The following DMRT1 variants were observed in gnomAD, a reference collection of about 807,000 sequenced individuals.
The protein encoded by DMRT1 is doublesex and mab-3 related transcription factor 1.
DMRT1 carries 7 observed loss-of-function variants against 32.3 expected under a neutral mutation model. That is an observed-to-expected ratio of 0.22 (90% CI 0.12 to 0.41). DMRT1 has a LOEUF of 0.41. Ranked by LOEUF, DMRT1 falls within the 10% of genes least tolerant of loss-of-function variation. DMRT1 has a pLI of 1.00. For synonymous variants in DMRT1, 278 were observed against 206.1 expected, an observed-to-expected ratio of 1.35 and a Z score of -2.99; for missense variants, 625 against 500.5, an observed-to-expected ratio of 1.25 and a Z score of -2.37.
At position 878,797 on chromosome 9, in the gene DMRT1, C is replaced by T. The variant is rs141667959; in HGVS notation, c.539-15115C>T. On this transcript the variant is annotated intron_variant, in intron 2 of 4. Transcript: ENST00000382276. The stretch of plus-strand genomic sequence containing the variant: ...GCACTCAACACGTGGCAGAGCCTTT[C>T]TAAGTACATGTCTTCTCTCATATAA... 2.2e-3 allele frequency among the ~76,000 whole-genome samples: 338 copies of T among 152,298 alleles called. 1 individual carries two copies. Among genetic ancestry groups the T allele is most frequent in the African/African-American group, 7.6e-3 (315 of 41,558 alleles).
chr9:911,685 A>T (rs1246940773), intron 3 of DMRT1, among the ~76,000 whole-genome samples: 1 of 151,704 alleles, frequency 6.6e-6, no homozygotes, highest in East Asian at 1.9e-4. Flanking sequence ...AGAGACGGAG[A>T]TTCACCATGT....
At chr9:915,955 G>T (rs1350421447) in intron 3 of DMRT1, among the ~76,000 whole-genome samples, 6 of 152,018 alleles carry the variant, frequency 3.9e-5, no homozygotes, top group Admixed American at 3.9e-4. Flanking sequence ...GGATGATCTC[G>T]ATTTCCTGAC....
intron 2 of DMRT1, among the ~76,000 whole-genome samples, chr9:875,005 T>A (rs1373655764): frequency 1.3e-5 from 2 of 151,464 alleles, no homozygotes; most frequent in Non-Finnish European, 2.9e-5. Context: ...AGAGACGGGG[T>A]TTCACTATGT....
At chr9:849,230 A>C (rs1839037568) in intron 2 of DMRT1, among the ~76,000 whole-genome samples, 1 of 152,148 alleles carries the variant, frequency 6.6e-6, no homozygotes, top group Non-Finnish European at 1.5e-5. Flanking sequence ...TGGATTTCCC[A>C]TTCTACTTAA....
At chr9:949,961 G>A (rs1438238361) in intron 4 of DMRT1, among the ~76,000 whole-genome samples, 1 of 152,170 alleles carries the variant, frequency 6.6e-6, no homozygotes, top group African/African-American at 2.4e-5. Flanking sequence ...CTGTCTGTCA[G>A]TGGACATGTA....
chr9:950,213 G>T (rs1819383787), intron 4 of DMRT1, among the ~76,000 whole-genome samples: 1 of 152,070 alleles, frequency 6.6e-6, no homozygotes. Context: ...CAACTCAGTT[G>T]ATGCCTTAGA....
intron 2 of DMRT1, among the ~76,000 whole-genome samples, chr9:872,754 T>G (rs1816328581): frequency 6.6e-6 from 1 of 152,260 alleles, no homozygotes; most frequent in Non-Finnish European, 1.5e-5. Flanking sequence ...TTCAAATTTT[T>G]GTGTAAATAT....
At chr9:887,240 A>G (rs1204585255) in intron 2 of DMRT1, among the ~76,000 whole-genome samples, 1 of 152,206 alleles carries the variant, frequency 6.6e-6, no homozygotes, top group Non-Finnish European at 1.5e-5. Flanking sequence ...GAGGGAATTC[A>G]TAGAAAAGGA....
At chr9:952,691 C>CT in intron 4 of DMRT1, among the ~76,000 whole-genome samples, 1 of 152,266 alleles carries the variant, frequency 6.6e-6, no homozygotes, top group East Asian at 1.9e-4. Flanking sequence ...GACTTCCACT[C>CT]TTTTTTTCAA....
In DMRT1 at chr9:882,760, C is replaced by CTTTTTT. The variant is rs1010078425; in HGVS notation, c.539-11138_539-11133dup. 1.7e-4 allele frequency among the ~76,000 whole-genome samples: 20 copies of CTTTTTT among 118,348 alleles called. 1 individual carries two copies. The highest frequency in any genetic ancestry group is 1.8e-4 in the Non-Finnish European group (11 of 59,544). The allele number at this position is 118,348 out of a possible 152,430, so 77.6% of individuals were successfully genotyped here. On this transcript the variant is annotated intron_variant, in intron 2 of 4. Transcript: ENST00000382276. ...AGTGGCGCCCCCGTCTCCCCTGAAT[C>CTTTTTT]TTTTTTTTTTTTTTTTTTTGTCTGT...
At chr9:848,021 A>G (rs1319300757) in intron 2 of DMRT1, among the ~76,000 whole-genome samples, 1 of 152,198 alleles carries the variant, frequency 6.6e-6, no homozygotes, top group Non-Finnish European at 1.5e-5. Flanking sequence ...CATCCACCAA[A>G]TAAAGACCTG....
chr9:881,171 C>G (rs1816722258), intron 2 of DMRT1, among the ~76,000 whole-genome samples: 1 of 152,100 alleles, frequency 6.6e-6, no homozygotes. Flanking sequence ...GAGGCAGGTT[C>G]TAAAACATTC....
chr9:958,636 G>C (rs1819672532), intron 4 of DMRT1, among the ~76,000 whole-genome samples: 1 of 152,192 alleles, frequency 6.6e-6, no homozygotes, highest in African/African-American at 2.4e-5. Context: ...TAACTCTCCG[G>C]GGGTTACAGG....
chr9:874,400 C>T (rs1589483755), intron 2 of DMRT1, among the ~76,000 whole-genome samples: 1 of 152,020 alleles, frequency 6.6e-6, no homozygotes, highest in Non-Finnish European at 1.5e-5. Flanking sequence ...GCTTTGTTTC[C>T]CCTTCATTGT....
rs563587909 is a variant in DMRT1, at chr9:928,094, T to G, written c.967+11187T>G. Among the ~76,000 whole-genome samples, 6 of 152,308 alleles carry G rather than the reference T, an allele frequency of 3.9e-5. No homozygotes were observed. The East Asian group carries it at 1.2e-3, about 29-fold the overall frequency. ...TGCTGCCTAGTGTTATCTTGAAAGA[T>G]GCTGCTTCCAAGAGATTGATGGTGT... On this transcript the variant is annotated intron_variant, in intron 4 of 4. Coordinates refer to ENST00000382276, the MANE Select transcript of DMRT1 (RefSeq NM_021951.3).
At chr9:954,875 C>T (rs1203342500) in intron 4 of DMRT1, among the ~76,000 whole-genome samples, 2 of 151,976 alleles carry the variant, frequency 1.3e-5, no homozygotes, top group Non-Finnish European at 2.9e-5. Flanking sequence ...CTCCTGACCT[C>T]GTGATCTGCC....
chr9:862,463 C>T (rs901224109), intron 2 of DMRT1, among the ~76,000 whole-genome samples: 21 of 144,598 alleles, frequency 1.5e-4, no homozygotes, highest in Non-Finnish European at 1.4e-4. Flanking sequence ...ACAGTCCAGC[C>T]TCGGCATCAG....
intron 4 of DMRT1, among the ~76,000 whole-genome samples, chr9:932,192 C>G (rs1818747316): frequency 6.6e-6 from 1 of 152,214 alleles, no homozygotes; most frequent in Non-Finnish European, 1.5e-5. Context: ...ATTTCTACCT[C>G]TGAATTTCAG....
chr9:911,192 C>T (rs749222826), intron 3 of DMRT1, among the ~76,000 whole-genome samples: 1 of 152,130 alleles, frequency 6.6e-6, no homozygotes, highest in African/African-American at 2.4e-5. Context: ...TCAGCAGCAT[C>T]CCTGACCTTG....
Sources: allele counts gnomAD v4.1 joint callset (sites outside exome capture counted in the v4.1 genomes callset), GRCh38; gene constraint gnomAD v4.1.1; transcripts MANE v1.5; gene names NCBI Gene and HGNC (gene_info 2026-07-23, HGNC 2026-07-21).